PRKG2: variants seen among roughly 807,000 people sequenced by gnomAD.
The protein encoded by PRKG2 is protein kinase cGMP-dependent 2, also known as cGMP-dependent protein kinase 2.
A neutral mutation model predicts 97.2 loss-of-function variants in PRKG2; 33 were observed. The ratio of observed to expected loss-of-function variants is 0.34; its 90% CI spans 0.26 to 0.45. The LOEUF is 0.45. Among genes scored for constraint, PRKG2 ranks in the 20% least tolerant of loss-of-function variants. The pLI, the probability that PRKG2 is intolerant of heterozygous loss-of-function variation, is 1.00. For missense variants in PRKG2, 638 were observed against 900.0 expected (o/e 0.71, Z 3.73); for synonymous variants, 330 against 321.8 (o/e 1.03, Z -0.27).
chr4:81,111,476 T>TTAATATTATATCATGTTATACATGATTA (rs1223022460), intron 14 of PRKG2, among the ~76,000 whole-genome samples: 1 of 152,138 alleles, frequency 6.6e-6, no homozygotes, highest in African/African-American at 2.4e-5. Context: ...TAATACATGA[T>TTAATATTATATCATGTTATACATGATTA]ATAATTGAAG....
At chr4:81,183,112 T>G (rs953324380) in intron 2 of PRKG2, among the ~76,000 whole-genome samples, 6 of 152,118 alleles carry the variant, frequency 3.9e-5, no homozygotes, top group African/African-American at 1.4e-4. Flanking sequence ...AAGTAATGGA[T>G]ATCAAAAATT....
chr4:81,122,559 C>T (rs1745165577), intron 14 of PRKG2, among the ~76,000 whole-genome samples: 1 of 152,186 alleles, frequency 6.6e-6, no homozygotes, highest in African/African-American at 2.4e-5. Flanking sequence ...CACACCATTA[C>T]AGACTCCAAA....
chr4:81,189,305 ATTTTGTCTTATTTAATCT>A (rs1476964675), intron 2 of PRKG2, among the ~76,000 whole-genome samples: 2 of 129,690 alleles, frequency 1.5e-5, no homozygotes, highest in Non-Finnish European at 3.0e-5. Flanking sequence ...GAAGAGAAAG[ATTTTGTCTTATTTAATCT>A]TTTTGTCTTA....
rs138440498 is a variant in PRKG2, at chr4:81,094,896, T to G, written c.2127-2444A>C. Among the ~76,000 whole-genome samples, 1,202 of 152,204 alleles carry G rather than the reference T, an allele frequency of 7.9e-3. 20 individuals are homozygous for G. The highest frequency in any genetic ancestry group is 0.027 in the African/African-American group (1,117 of 41,540). On this transcript the variant is annotated intron_variant, in intron 17 of 18. Coordinates refer to ENST00000264399, the MANE Select transcript of PRKG2 (RefSeq NM_006259.3). ...ACGTGTAGTGAAAGAATCAGAAAGC[T>G]CTAAGTAAATGACACCAGCTACTTT...
chr4:81,159,345 G>A (rs540519797), intron 6 of PRKG2, among the ~76,000 whole-genome samples: 2 of 152,134 alleles, frequency 1.3e-5, no homozygotes, highest in East Asian at 1.9e-4. Flanking sequence ...GCAGCCAAAA[G>A]ACACATGAAA....
intron 18 of PRKG2, 114 bp downstream of exon 18, chr4:81,092,272 T>TA (rs969923025): frequency 1.0e-3 from 578 of 555,370 alleles, no homozygotes; most frequent in South Asian, 1.6e-3. Flanking sequence ...AAAACTGCTT[T>TA]AAAAAAAAAC....
Position 81,112,993 on chromosome 4 carries a change from A to C in PRKG2, c.1777-2382T>G, listed in dbSNP as rs1744136766. Among the ~76,000 whole-genome samples the C allele has an allele frequency of 2.0e-5, 3 of 151,996 alleles. No individual in the cohort carries two copies. The South Asian group carries it at 6.2e-4, about 32-fold the overall frequency. On this transcript the variant is annotated intron_variant, in intron 14 of 18. Coordinates refer to ENST00000264399, the MANE Select transcript of PRKG2 (RefSeq NM_006259.3). ...GTAGCATTTGAGCAGATTTGAGTAG[A>C]AATCTCAGTGAGGTAAGTAAGAGAG...
At chr4:81,130,803 C>G (rs1034578918) in intron 14 of PRKG2, among the ~76,000 whole-genome samples, 1 of 152,160 alleles carries the variant, frequency 6.6e-6, no homozygotes, top group Non-Finnish European at 1.5e-5. Flanking sequence ...ACTGCCTACT[C>G]AAGCCTCGGT....
chr4:81,132,753 C>T (rs2110023267), intron 14 of PRKG2, among the ~76,000 whole-genome samples: 1 of 152,240 alleles, frequency 6.6e-6, no homozygotes, highest in Middle Eastern at 3.4e-3. Flanking sequence ...TCATTATACT[C>T]TTAATTTCTT....
intron 1 of PRKG2, 51 bp from the exon 2 acceptor site, chr4:81,205,111 A>G (rs945945600): frequency 1.8e-6 from 2 of 1,113,356 alleles, no homozygotes; most frequent in African/African-American, 3.2e-5. Flanking sequence ...ACTTCCCAAC[A>G]GTCCCCACCA....
chr4:81,183,437 T>C (rs1170941374), intron 2 of PRKG2, among the ~76,000 whole-genome samples: 1 of 152,012 alleles, frequency 6.6e-6, no homozygotes, highest in Non-Finnish European at 1.5e-5. Flanking sequence ...GACTGCACCA[T>C]GAGGAATGGT....
chr4:81,134,065 T>G (rs1393478410), intron 14 of PRKG2, among the ~76,000 whole-genome samples: 1 of 152,204 alleles, frequency 6.6e-6, no homozygotes, highest in African/African-American at 2.4e-5. Flanking sequence ...AAGCTATCTT[T>G]CATGGATAAA....
chr4:81,175,067 T>G, intron 2 of PRKG2, 108 bp from the exon 3 acceptor site: 1 of 1,111,734 alleles, frequency 9.0e-7, no homozygotes, highest in Non-Finnish European at 1.2e-6. Context: ...AACTTATAAC[T>G]TTCTAGCAAG....
chr4:81,176,697 C>T (rs148306389), intron 2 of PRKG2, among the ~76,000 whole-genome samples: 4 of 152,150 alleles, frequency 2.6e-5, no homozygotes, highest in African/African-American at 9.7e-5. Flanking sequence ...ATTTAAAATG[C>T]ACACTTCAAA....
chr4:81,089,587 T>A lies in PRKG2; in HGVS notation c.*121A>T, dbSNP rs139262039. ...TCTCCTCTTCCCATTGTGCAGGAAT[T>A]TCTTTTCCCTAATGGTCTTCCAAAG... On this transcript the variant is annotated 3_prime_UTR_variant, in exon 19 of 19. Transcript: ENST00000264399. The A allele has an allele frequency of 1.2e-4, 83 of 702,472 alleles. 1 individual carries two copies. The East Asian group carries it at 1.5e-3, about 13-fold the overall frequency. 43.5% of individuals were successfully genotyped at this position (702,472 alleles called of 1,614,324 possible).
chr4:81,127,032 T>A lies in PRKG2; in HGVS notation c.1776+8123A>T, dbSNP rs565589523. ...TTACATTTAAGTCTTTATCTTGAGT[T>A]AATTTTTGTATAAGATGTAAGGAAG... On this transcript the variant is annotated intron_variant, in intron 14 of 18. Transcript: ENST00000264399. Among the ~76,000 whole-genome samples, 239 of 152,314 alleles carry A rather than the reference T, an allele frequency of 1.6e-3. 1 individual carries two copies. The highest frequency in any genetic ancestry group is 5.4e-3 in the African/African-American group (224 of 41,570).
intron 2 of PRKG2, among the ~76,000 whole-genome samples, chr4:81,199,962 G>A (rs781539698): frequency 1.3e-5 from 2 of 152,118 alleles, no homozygotes; most frequent in Non-Finnish European, 2.9e-5. Context: ...TTTCATGAAA[G>A]AACAATAGTT....
upstream of PRKG2, among the ~76,000 whole-genome samples, chr4:81,217,066 T>TATATAA (rs1466238894): frequency 1.4e-5 from 2 of 145,372 alleles, no homozygotes; most frequent in African/African-American, 5.1e-5. Context: ...TGTATATATA[T>TATATAA]AATATAAAAC....
rs368547239 is a variant in PRKG2, at chr4:81,114,248, C to T, written c.1777-3637G>A. Among the ~76,000 whole-genome samples, 50 of 151,360 alleles carry T rather than the reference C, an allele frequency of 3.3e-4. 1 individual carries two copies. In the South Asian group the frequency reaches 9.4e-3, roughly 29 times the overall value. Reference sequence around the variant, plus strand: ...TAGTTGTGAATAAATCTAGCTCCTTCGAAAAGGCAATGTATCCTATACATT... The same window carrying T: ...TAGTTGTGAATAAATCTAGCTCCTTTGAAAAGGCAATGTATCCTATACATT... On this transcript the variant is annotated intron_variant, in intron 14 of 18. Coordinates refer to ENST00000264399, the MANE Select transcript of PRKG2 (RefSeq NM_006259.3).
Sources: allele counts gnomAD v4.1 joint callset (sites outside exome capture counted in the v4.1 genomes callset), GRCh38; gene constraint gnomAD v4.1.1; transcripts MANE v1.5; gene names NCBI Gene and HGNC (gene_info 2026-07-23, HGNC 2026-07-21).